The following PHKA1 variants were observed in gnomAD, a reference collection of about 807,000 sequenced individuals.
PHKA1 encodes the protein phosphorylase kinase regulatory subunit alpha 1.
In PHKA1, 60 loss-of-function variants were observed where a neutral mutation model predicts 110.2. The ratio of observed to expected loss-of-function variants is 0.54; its 90% CI spans 0.44 to 0.68. The LOEUF is 0.68. Among genes scored for constraint, PHKA1 ranks in the 30% least tolerant of loss-of-function variants. PHKA1 has a pLI of 0.00. For missense variants in PHKA1, 801 were observed against 942.5 expected (o/e 0.85, Z 1.97); for synonymous variants, 316 against 333.6 (o/e 0.95, Z 0.58).
chrX:72,621,841 TAA>T, intron 18 of PHKA1: 1 of 751,652 alleles, frequency 1.3e-6, no homozygotes, highest in Non-Finnish European at 1.6e-6. Context: ...TGGCAAGCAA[TAA>T]ATACATTCAT....
intron 16 of PHKA1, among the ~76,000 whole-genome samples, chrX:72,632,382 G>A (rs781937313): frequency 9.0e-6 from 1 of 111,277 alleles, no homozygotes; most frequent in South Asian, 3.7e-4. Flanking sequence ...TATCATGTTG[G>A]TGTACTATTT....
At chrX:72,651,155 T>G (rs2053424357) in intron 12 of PHKA1, among the ~76,000 whole-genome samples, 1 of 112,343 alleles carries the variant, frequency 8.9e-6, no homozygotes, top group African/African-American at 3.2e-5. Flanking sequence ...TTCATGTATC[T>G]ACTATGCCTT....
chrX:72,599,231 T>C (rs1556238717), intron 28 of PHKA1, among the ~76,000 whole-genome samples: 1 of 111,925 alleles, frequency 8.9e-6, no homozygotes. Context: ...TTCCATTTTT[T>C]GTTTGGTAAT....
At chrX:72,673,821 A>G (rs2053738368) in intron 6 of PHKA1, among the ~76,000 whole-genome samples, 1 of 109,380 alleles carries the variant, frequency 9.1e-6, no homozygotes, top group Non-Finnish European at 1.9e-5. Flanking sequence ...TTTTTTTATT[A>G]TACTTTAAGT....
At chrX:72,618,871 C>T in intron 20 of PHKA1, 22 bp from the exon 21 acceptor site, 1 of 1,188,768 alleles carries the variant, frequency 8.4e-7, no homozygotes. Flanking sequence ...GAAATGATGA[C>T]AAGAAATTAA....
chrX:72,648,476 C>G (rs1251076408), intron 13 of PHKA1, among the ~76,000 whole-genome samples: 3 of 111,636 alleles, frequency 2.7e-5, no homozygotes, highest in African/African-American at 9.8e-5. Flanking sequence ...AAAATGCTGA[C>G]TAACAAGAAC....
chrX:72,584,859 G>A (rs1442458854), intron 29 of PHKA1, among the ~76,000 whole-genome samples: 1 of 105,101 alleles, frequency 9.5e-6, no homozygotes, highest in Non-Finnish European at 1.9e-5. Flanking sequence ...CCGTTAACTC[G>A]TCATTTACAT....
chrX:72,692,213 G>A (rs913288218), intron 4 of PHKA1, among the ~76,000 whole-genome samples: 1 of 111,615 alleles, frequency 9.0e-6, no homozygotes, highest in Non-Finnish European at 1.9e-5. Flanking sequence ...TTTGGTCAAG[G>A]TATATAAACT....
chrX:72,652,826 T>A (rs1350680277), intron 11 of PHKA1, among the ~76,000 whole-genome samples, 175 bp from the exon 12 acceptor site: 2 of 111,794 alleles, frequency 1.8e-5, no homozygotes, highest in African/African-American at 6.5e-5. Flanking sequence ...GTGATGTGCA[T>A]ACAGATCACC....
intron 14 of PHKA1, among the ~76,000 whole-genome samples, chrX:72,641,610 A>G (rs1227563364): frequency 8.9e-6 from 1 of 111,736 alleles, no homozygotes; most frequent in African/African-American, 3.2e-5. Flanking sequence ...TAATTTAAAA[A>G]AATAAAAAAA....
intron 13 of PHKA1, among the ~76,000 whole-genome samples, chrX:72,649,180 T>C (rs1229788256): frequency 8.9e-6 from 1 of 112,164 alleles, no homozygotes; most frequent in Admixed American, 9.5e-5. Context: ...TATGACCACA[T>C]GGGATGCCAA....
chrX:72,644,645 T>C (rs1303998735), intron 13 of PHKA1, 149 bp from the exon 14 acceptor site: 1 of 484,314 alleles, frequency 2.1e-6, no homozygotes. Context: ...AAAATAAGTA[T>C]CATGCTAAAT....
chrX:72,582,542 T>C lies in PHKA1; in HGVS notation c.3354A>G (p.Val1118=), dbSNP rs782181552. 8.3e-7 allele frequency: 1 copy of C among 1,204,680 alleles called. No homozygotes were observed. Residue 1118 remains valine, a synonymous_variant, in exon 31 of 32, where the codon GTA becomes GTG. Coordinates refer to ENST00000373542, the MANE Select transcript of PHKA1 (RefSeq NM_002637.4). ...GCAGCTGACGGTACTCTGGCTGAGG[T>C]ACACGATTCAGGACAGACTCCACAT... ...SVHVESVLNR[V]PQPEYRQLLV...
At chrX:72,617,672 T>A (rs1270490422) in intron 21 of PHKA1, among the ~76,000 whole-genome samples, 11 of 111,145 alleles carry the variant, frequency 9.9e-5, no homozygotes, top group African/African-American at 2.9e-4. Flanking sequence ...GATTGAAGTA[T>A]GAAGAAACAG....
At chrX:72,677,994 G>A (rs1219957427) in intron 5 of PHKA1, among the ~76,000 whole-genome samples, 4 of 111,663 alleles carry the variant, frequency 3.6e-5, no homozygotes, top group African/African-American at 1.3e-4. Flanking sequence ...GCTGAAGTAA[G>A]CCATGATTGC....
At chrX:72,669,380 T>A (rs1423415268) in intron 6 of PHKA1, among the ~76,000 whole-genome samples, 1 of 111,166 alleles carries the variant, frequency 9.0e-6, no homozygotes, top group Non-Finnish European at 1.9e-5. Context: ...TTGTTGTTTT[T>A]AATTTTATTA....
At position 72,591,928 on chromosome X, in the gene PHKA1, C is replaced by T. The variant is rs376345609; in HGVS notation, c.3243+1176G>A. On this transcript the variant is annotated intron_variant, in intron 29 of 31. Transcript: ENST00000373542. ...ATTTATCGGACATGTACTGTTACTACATTTGCTAGCTAAGCATCCCATCCC... is the reference window on the plus strand; with the variant it reads ...ATTTATCGGACATGTACTGTTACTATATTTGCTAGCTAAGCATCCCATCCC... Among the ~76,000 whole-genome samples, 56 of 112,278 alleles carry T rather than the reference C, an allele frequency of 5.0e-4. No homozygotes were observed. The South Asian group carries it at 7.7e-3, about 15-fold the overall frequency.
At chrX:72,689,660 C>T (rs1215413307) in intron 4 of PHKA1, among the ~76,000 whole-genome samples, 3 of 112,208 alleles carry the variant, frequency 2.7e-5, no homozygotes, top group Non-Finnish European at 5.6e-5. Context: ...ATAAGTAATG[C>T]TGCTATAAAC....
intron 14 of PHKA1, among the ~76,000 whole-genome samples, chrX:72,641,057 A>G (rs1556295004): frequency 9.0e-6 from 1 of 111,678 alleles, no homozygotes; most frequent in East Asian, 2.8e-4. Flanking sequence ...AAAAACGTAC[A>G]GGTCCCTGGG....
Sources: gnomAD v4.1 joint callset for allele counts (sites outside exome capture counted in the v4.1 genomes callset) on GRCh38, gnomAD v4.1.1 for gene constraint, MANE v1.5 for transcripts, NCBI Gene and HGNC (gene_info 2026-07-23, HGNC 2026-07-21) for gene names.